DENND1B: variants seen among roughly 807,000 people sequenced by gnomAD.
DENND1B encodes the protein DENN domain containing 1B, also known as DENN domain-containing protein 1B.
A neutral mutation model predicts 90.1 loss-of-function variants in DENND1B; 59 were observed. That is an observed-to-expected ratio of 0.65 (90% CI 0.53 to 0.81). The LOEUF is 0.81. Among genes scored for constraint, DENND1B ranks in the 40% least tolerant of loss-of-function variants. DENND1B has a pLI of 0.00. For missense variants in DENND1B, 862 were observed against 912.6 expected (o/e 0.94, Z 0.71); for synonymous variants, 337 against 324.6 (o/e 1.04, Z -0.41).
At chr1:197,727,262 G>A (rs183300992) in intron 2 of DENND1B, among the ~76,000 whole-genome samples, 200 of 152,182 alleles carry the variant, frequency 1.3e-3, no homozygotes, top group South Asian at 2.1e-3. Flanking sequence ...AGCGCCGGGC[G>A]CAGTGGCTCA....
At chr1:197,666,582 C>G (rs1198101001) in intron 5 of DENND1B, among the ~76,000 whole-genome samples, 1 of 152,128 alleles carries the variant, frequency 6.6e-6, no homozygotes, top group Admixed American at 6.5e-5. Flanking sequence ...TAAATTTTGG[C>G]CCTATTAAGC....
intron 3 of DENND1B, among the ~76,000 whole-genome samples, chr1:197,684,794 A>G (rs1190542534): frequency 6.6e-6 from 1 of 152,174 alleles, no homozygotes; most frequent in Non-Finnish European, 1.5e-5. Flanking sequence ...CAGATGAGCA[A>G]AACACCAAGT....
At chr1:197,594,291 T>C (rs144307114) in intron 14 of DENND1B, among the ~76,000 whole-genome samples, 150 of 152,274 alleles carry the variant, frequency 9.9e-4, no homozygotes, top group African/African-American at 3.6e-3. Flanking sequence ...ATACAACCCA[T>C]TCACATTTGC....
chr1:197,593,560 C>T (rs948951745), intron 14 of DENND1B, among the ~76,000 whole-genome samples: 24 of 151,628 alleles, frequency 1.6e-4, no homozygotes, highest in African/African-American at 5.8e-4. Context: ...AAATCTTATA[C>T]TCCTATCTGT....
intron 2 of DENND1B, among the ~76,000 whole-genome samples, chr1:197,719,738 T>G (rs1215550628): frequency 6.6e-6 from 1 of 152,112 alleles, no homozygotes; most frequent in Non-Finnish European, 1.5e-5. Context: ...GGGAAGATAA[T>G]CTAAAAGAGT....
intron 11 of DENND1B, among the ~76,000 whole-genome samples, chr1:197,617,383 A>C (rs1181447063): frequency 6.6e-6 from 1 of 151,116 alleles, no homozygotes; most frequent in Admixed American, 6.6e-5. Flanking sequence ...AACACAACTT[A>C]AGACTGTTAT....
chr1:197,717,919 A>C (rs1660792834), intron 2 of DENND1B, among the ~76,000 whole-genome samples: 1 of 152,026 alleles, frequency 6.6e-6, no homozygotes, highest in Admixed American at 6.6e-5. Context: ...GTATCTTCAA[A>C]TTTATGCATT....
intron 3 of DENND1B, among the ~76,000 whole-genome samples, chr1:197,713,925 T>TATATACATATATATATGCATATAAA: frequency 4.4e-5 from 6 of 137,106 alleles, no homozygotes; most frequent in African/African-American, 1.6e-4. Context: ...ATGCATATAA[T>TATATACATATATATATGCATATAAA]ATATACATAT....
At chr1:197,685,532 C>T (rs1448719360) in intron 3 of DENND1B, 1 of 152,080 alleles carries the variant, frequency 6.6e-6, no homozygotes, top group African/African-American at 2.4e-5. Context: ...AATCAGGAAT[C>T]TAGGAGATCC....
intron 15 of DENND1B, among the ~76,000 whole-genome samples, chr1:197,557,318 A>C (rs896088773): frequency 1.3e-4 from 19 of 151,932 alleles, no homozygotes; most frequent in Admixed American, 8.5e-4. Context: ...TAAAGGACTT[A>C]ATTTGCTCTA....
chr1:197,686,383 T>C (rs1657235818), intron 3 of DENND1B, among the ~76,000 whole-genome samples: 1 of 152,074 alleles, frequency 6.6e-6, no homozygotes, highest in African/African-American at 2.4e-5. Flanking sequence ...ATAACTAAAA[T>C]AGTTATTCCT....
intron 6 of DENND1B, among the ~76,000 whole-genome samples, chr1:197,653,817 T>C (rs968300220): frequency 5.3e-5 from 8 of 152,074 alleles, no homozygotes; most frequent in Non-Finnish European, 5.9e-5. Flanking sequence ...AAAGGAAAAG[T>C]ATTCAAAATT....
At chr1:197,707,934 G>A (rs1342087963) in intron 3 of DENND1B, among the ~76,000 whole-genome samples, 1 of 151,794 alleles carries the variant, frequency 6.6e-6, no homozygotes, top group East Asian at 2.0e-4. Context: ...AGGGGTCAGG[G>A]AGTTCCCTTT....
intron 20 of DENND1B, among the ~76,000 whole-genome samples, chr1:197,534,580 T>G (rs1396173391): frequency 6.6e-6 from 1 of 152,198 alleles, no homozygotes; most frequent in African/African-American, 2.4e-5. Flanking sequence ...TTTCTCTTCT[T>G]TTTGGCTGTG....
intron 20 of DENND1B, among the ~76,000 whole-genome samples, chr1:197,517,592 C>T (rs1268702388): frequency 6.6e-6 from 1 of 151,908 alleles, no homozygotes; most frequent in Non-Finnish European, 1.5e-5. Context: ...CTCTATTATT[C>T]TGTCTTGTAG....
chr1:197,746,110 A>G lies in DENND1B; in HGVS notation c.82+26758T>C. On this transcript the variant is annotated intron_variant, in intron 2 of 22. Coordinates refer to ENST00000620048, the MANE Select transcript of DENND1B (RefSeq NM_001195215.2). ...CACTGGATACAGATAAGAAAGTACA[A>G]GGCCAGCATGTTTGCTCATGCCTGT... Among the ~76,000 whole-genome samples, 2 of 152,210 alleles carry G rather than the reference A, an allele frequency of 1.3e-5. 1 individual carries two copies. Among genetic ancestry groups the G allele is most frequent in the African/African-American group, 4.8e-5 (2 of 41,460 alleles).
intron 2 of DENND1B, among the ~76,000 whole-genome samples, chr1:197,760,334 A>G (rs560345448): frequency 6.6e-6 from 1 of 152,290 alleles, no homozygotes; most frequent in Admixed American, 6.5e-5. Flanking sequence ...GTTAATCTGG[A>G]CAATTACTGA....
At chr1:197,703,909 C>T (rs955792323) in intron 3 of DENND1B, among the ~76,000 whole-genome samples, 7 of 152,114 alleles carry the variant, frequency 4.6e-5, no homozygotes, top group Admixed American at 3.3e-4. Flanking sequence ...AAAAATCAAA[C>T]TCATCCTCTC....
At chr1:197,552,901 C>T (rs1671359107) in intron 16 of DENND1B, 121 bp downstream of exon 16, 8 of 1,505,668 alleles carry the variant, frequency 5.3e-6, no homozygotes, top group Non-Finnish European at 7.0e-6. Flanking sequence ...GTATTTAAGA[C>T]ATTACATATT....
Sources: gnomAD v4.1 joint callset for allele counts (sites outside exome capture counted in the v4.1 genomes callset) on GRCh38, gnomAD v4.1.1 for gene constraint, MANE v1.5 for transcripts, NCBI Gene and HGNC (gene_info 2026-07-23, HGNC 2026-07-21) for gene names.